NFKB1: variants seen among roughly 807,000 people sequenced by gnomAD.
The protein encoded by NFKB1 is nuclear factor kappa B subunit 1, also known as nuclear factor NF-kappa-B p105 subunit.
Under a neutral mutation model 105.1 loss-of-function variants are expected in NFKB1, and 9 were observed. The observed-to-expected ratio is 0.09, with a 90% CI of 0.05 to 0.15. The LOEUF is 0.15. Among genes scored for constraint, NFKB1 ranks in the 10% least tolerant of loss-of-function variants. The pLI is 1.00. For synonymous variants in NFKB1, 440 were observed against 442.2 expected (o/e 1.00, Z 0.06); for missense variants, 830 against 1,203.7 (o/e 0.69, Z 4.59).
At chr4:102,504,728 A>G (rs1739318662) in intron 1 of NFKB1, among the ~76,000 whole-genome samples, 1 of 152,214 alleles carries the variant, frequency 6.6e-6, no homozygotes, top group East Asian at 1.9e-4. Flanking sequence ...GAGGTCAGCA[A>G]TAAACCATCA....
chr4:102,579,251 C>A (rs966771778), intron 8 of NFKB1, among the ~76,000 whole-genome samples: 1 of 152,042 alleles, frequency 6.6e-6, no homozygotes, highest in Non-Finnish European at 1.5e-5. Context: ...ACATGTAATT[C>A]TTTTTCCTTT....
chr4:102,554,947 C>G (rs1560668382), intron 5 of NFKB1, among the ~76,000 whole-genome samples: 2 of 152,150 alleles, frequency 1.3e-5, no homozygotes, highest in African/African-American at 4.8e-5. Flanking sequence ...GCCAGTGTCT[C>G]TGTAAATGAA....
intron 15 of NFKB1, among the ~76,000 whole-genome samples, chr4:102,599,138 A>G (rs1026905744): frequency 1.3e-5 from 2 of 151,966 alleles, no homozygotes; most frequent in African/African-American, 4.8e-5. Context: ...TTTGAGGGGG[A>G]GGGGGAATGT....
At chr4:102,560,323 C>T (rs1377993313) in intron 5 of NFKB1, among the ~76,000 whole-genome samples, 3 of 151,968 alleles carry the variant, frequency 2.0e-5, no homozygotes, top group Admixed American at 6.6e-5. Context: ...AAAAGGAAAC[C>T]GTGGGTCAAA....
At chr4:102,527,581 G>C (rs1466184162) in intron 2 of NFKB1, among the ~76,000 whole-genome samples, 2 of 152,146 alleles carry the variant, frequency 1.3e-5, no homozygotes, top group East Asian at 3.8e-4. Context: ...TATTCTGATT[G>C]ATTTAGAAAG....
chr4:102,579,750 G>A (rs1358569338), intron 8 of NFKB1, among the ~76,000 whole-genome samples: 2 of 151,170 alleles, frequency 1.3e-5, no homozygotes, highest in East Asian at 3.9e-4. Flanking sequence ...TTTCTTGTTT[G>A]ATTATGCATA....
intron 5 of NFKB1, among the ~76,000 whole-genome samples, chr4:102,561,017 G>A (rs1441739904): frequency 6.6e-6 from 1 of 152,110 alleles, no homozygotes; most frequent in Non-Finnish European, 1.5e-5. Flanking sequence ...AGCTGGGATT[G>A]GATCACTGAC....
intron 9 of NFKB1, among the ~76,000 whole-genome samples, chr4:102,582,121 G>T (rs28491436): frequency 0.066 from 10,121 of 152,208 alleles, 432 homozygotes; most frequent in African/African-American, 0.12. Context: ...CACACTCCAT[G>T]ACTAGAGTGT....
At chr4:102,548,385 G>A (rs1432915533) in intron 5 of NFKB1, among the ~76,000 whole-genome samples, 1 of 152,130 alleles carries the variant, frequency 6.6e-6, no homozygotes, top group Non-Finnish European at 1.5e-5. Flanking sequence ...CGATCACCAG[G>A]TGGCAATTGT....
intron 5 of NFKB1, among the ~76,000 whole-genome samples, chr4:102,554,492 C>T (rs977479778): frequency 6.6e-6 from 1 of 152,118 alleles, no homozygotes; most frequent in Non-Finnish European, 1.5e-5. Flanking sequence ...TTCAGACTCT[C>T]TATAAACTGT....
chr4:102,543,722 A>G (rs750940761), intron 5 of NFKB1, among the ~76,000 whole-genome samples: 7 of 152,206 alleles, frequency 4.6e-5, no homozygotes, highest in Non-Finnish European at 2.9e-5. Flanking sequence ...AGGATATCAC[A>G]TATCCTTGCA....
In NFKB1 at chr4:102,612,422, C is replaced by A. The variant is rs778349830; in HGVS notation, c.2420-12C>A. The A allele has an allele frequency of 3.1e-6, 5 of 1,610,584 alleles. No homozygotes were observed. In the South Asian group the frequency reaches 4.4e-5, roughly 14 times the overall value. ...TGTTAGAACAAGTGTGTTCCTTCTT[C>A]ATTTCCTTCAGGAGACATGAAACAG... On this transcript the variant is annotated splice_polypyrimidine_tract_variant and intron_variant, in intron 21 of 23. Coordinates refer to ENST00000226574, the MANE Select transcript of NFKB1 (RefSeq NM_003998.4).
intron 16 of NFKB1, among the ~76,000 whole-genome samples, chr4:102,605,845 A>G (rs1233505846): frequency 6.6e-6 from 1 of 152,240 alleles, no homozygotes; most frequent in Non-Finnish European, 1.5e-5. Flanking sequence ...TCCATGGGAC[A>G]GTATTTTTTA....
intron 7 of NFKB1, chr4:102,578,213 C>T (rs1047453487): frequency 6.5e-6 from 1 of 153,578 alleles, no homozygotes; most frequent in Admixed American, 6.5e-5. Flanking sequence ...AGAGCAAATA[C>T]CTCTTCTGCT....
At chr4:102,603,677 G>A (rs1013011553) in intron 16 of NFKB1, among the ~76,000 whole-genome samples, 1 of 152,190 alleles carries the variant, frequency 6.6e-6, no homozygotes, top group Admixed American at 6.5e-5. Context: ...ATTATCTGTT[G>A]TAAAGGTTCT....
At chr4:102,581,950 T>G (rs986883446) in intron 9 of NFKB1, among the ~76,000 whole-genome samples, 3 of 152,244 alleles carry the variant, frequency 2.0e-5, no homozygotes, top group African/African-American at 7.2e-5. Context: ...TCTAAAATTC[T>G]ACTTACATAG....
chr4:102,528,121 CA>C (rs1741044435), intron 2 of NFKB1, among the ~76,000 whole-genome samples: 1 of 152,072 alleles, frequency 6.6e-6, no homozygotes, highest in Non-Finnish European at 1.5e-5. Context: ...CAAGCTGCAG[CA>C]CAACACAACT....
chr4:102,612,053 A>G lies in NFKB1; in HGVS notation c.2362A>G (p.Ile788Val), dbSNP rs1728471483. Residue 788 changes from isoleucine (I) to valine (V), a missense_variant, in exon 21 of 24, where the codon ATA becomes GTA. By Grantham distance (29) the Ile-to-Val change is conservative. Coordinates refer to ENST00000226574, the MANE Select transcript of NFKB1 (RefSeq NM_003998.4). ...TTTTTCTTTCCAACAGGTATTTGAC[A>G]TATTAAATGGGAAACCATATGAGCC... ...DMATSWQVFD[I>V]LNGKPYEPEF... is the part of the protein sequence containing the mutation. 3 of 1,613,942 alleles carry G rather than the reference A, an allele frequency of 1.9e-6. No individual in the cohort carries two copies. Among genetic ancestry groups the G allele is most frequent in the Non-Finnish European group, 2.5e-6 (3 of 1,179,810 alleles).
intron 6 of NFKB1, among the ~76,000 whole-genome samples, chr4:102,575,103 A>G (rs987063582): frequency 1.3e-5 from 2 of 152,206 alleles, no homozygotes; most frequent in Admixed American, 6.5e-5. Context: ...GTCATGTTGC[A>G]TATTTTTCTG....
Sources: allele counts gnomAD v4.1 joint callset (sites outside exome capture counted in the v4.1 genomes callset), GRCh38; gene constraint gnomAD v4.1.1; transcripts MANE v1.5; gene names NCBI Gene and HGNC (gene_info 2026-07-23, HGNC 2026-07-21).